SKAP1: variants seen among roughly 807,000 people sequenced by gnomAD.
SKAP1 encodes the protein src kinase-associated phosphoprotein 1.
A neutral mutation model predicts 58.5 loss-of-function variants in SKAP1; 44 were observed. The observed-to-expected ratio is 0.75, with a 90% CI of 0.59 to 0.97. The LOEUF (loss-of-function observed/expected upper bound fraction) is 0.97, where lower values mean the gene tolerates loss of function less well. Among genes scored for constraint, SKAP1 ranks in the 50% least tolerant of loss-of-function variants. The probability of loss-of-function intolerance (pLI) is 0.00; values close to 1 mark genes in which losing one functional copy is unlikely to be tolerated. For synonymous variants in SKAP1, 127 were observed against 149.7 expected, an observed-to-expected ratio of 0.85 and a Z score of 1.11; for missense variants, 390 against 435.2, an observed-to-expected ratio of 0.90 and a Z score of 0.92.
At chr17:48,331,060 G>C (rs898120893) in intron 4 of SKAP1, among the ~76,000 whole-genome samples, 4 of 152,096 alleles carry the variant, frequency 2.6e-5, no homozygotes, top group African/African-American at 9.7e-5. Context: ...TCAGTCTGAG[G>C]GACCCTAGAA....
In SKAP1 at chr17:48,345,014, T is replaced by C. The variant is rs146213043; in HGVS notation, c.280+891A>G. ...CCTAAGCGAATAATGTGTTTCCAAT[T>C]TGATGTTCAATTTAGTAGCACCTCT... On this transcript the variant is annotated intron_variant, in intron 4 of 12. Coordinates refer to ENST00000336915, the MANE Select transcript of SKAP1 (RefSeq NM_003726.4). Among the ~76,000 whole-genome samples, 291 of 152,348 alleles carry C rather than the reference T, an allele frequency of 1.9e-3. 1 individual carries two copies. Among genetic ancestry groups the C allele is most frequent in the Non-Finnish European group, 3.3e-3 (224 of 68,026 alleles).
At chr17:48,438,346 A>G in the SKAP1 span, among the ~76,000 whole-genome samples, 7 of 152,224 alleles carry the variant, frequency 4.6e-5, no homozygotes, top group Admixed American at 4.6e-4. Context: ...TTCCCTGCAA[A>G]AACTAGCACC....
intron 2 of SKAP1, chr17:48,377,505 G>A (rs2067165235): frequency 6.6e-6 from 1 of 151,544 alleles, no homozygotes; most frequent in Non-Finnish European, 1.5e-5. Flanking sequence ...TTTAGCCCAG[G>A]AGGTTGAGGC....
At chr17:48,383,683 C>T (rs2067244258) in intron 2 of SKAP1, among the ~76,000 whole-genome samples, 1 of 150,208 alleles carries the variant, frequency 6.7e-6, no homozygotes, top group African/African-American at 2.5e-5. Flanking sequence ...CACCTGGAAA[C>T]TGAATATCCT....
chr17:48,297,219 G>A (rs920559200), intron 4 of SKAP1, among the ~76,000 whole-genome samples: 6 of 151,872 alleles, frequency 4.0e-5, no homozygotes, highest in Admixed American at 3.9e-4. Flanking sequence ...TCTAATCCCT[G>A]GTTAACATGG....
chr17:48,217,272 A>T (rs1307275013), intron 4 of SKAP1, among the ~76,000 whole-genome samples: 1 of 152,190 alleles, frequency 6.6e-6, no homozygotes. Flanking sequence ...CTGCCCTCTC[A>T]GTGGTCTCCT....
chr17:48,198,265 C>T (rs866886733), intron 4 of SKAP1, among the ~76,000 whole-genome samples: 10 of 151,870 alleles, frequency 6.6e-5, no homozygotes, highest in Non-Finnish European at 1.5e-4. Flanking sequence ...ACCATCTTGG[C>T]TAACACGGTG....
intron 2 of SKAP1, among the ~76,000 whole-genome samples, chr17:48,395,337 C>G (rs1216285417): frequency 6.6e-6 from 1 of 152,140 alleles, no homozygotes; most frequent in Non-Finnish European, 1.5e-5. Context: ...GTACCCACAG[C>G]TGCAGTAAAA....
the SKAP1 span, among the ~76,000 whole-genome samples, chr17:48,435,953 G>A: frequency 6.6e-6 from 1 of 152,220 alleles, no homozygotes; most frequent in Non-Finnish European, 1.5e-5. Context: ...TTATTTCGAT[G>A]TAAGAAAGTG....
intron 4 of SKAP1, among the ~76,000 whole-genome samples, chr17:48,217,426 T>C (rs886763415): frequency 1.3e-5 from 2 of 151,944 alleles, no homozygotes; most frequent in Non-Finnish European, 2.9e-5. Flanking sequence ...ATGGGTGGAT[T>C]GCTTGAGCTC....
chr17:48,194,728 T>C (rs554913760), intron 4 of SKAP1, among the ~76,000 whole-genome samples: 2 of 152,380 alleles, frequency 1.3e-5, no homozygotes, highest in African/African-American at 4.8e-5. Flanking sequence ...ATCGTCCCCC[T>C]GTTAAGTTAT....
chr17:48,150,598 A>G (rs1246046037), intron 11 of SKAP1, among the ~76,000 whole-genome samples: 2 of 152,276 alleles, frequency 1.3e-5, no homozygotes, highest in African/African-American at 4.8e-5. Flanking sequence ...TTTATTTCCT[A>G]TAAATCGGGA....
intron 1 of SKAP1, among the ~76,000 whole-genome samples, chr17:48,415,695 G>A (rs756975768): frequency 7.3e-4 from 111 of 152,036 alleles, no homozygotes; most frequent in Non-Finnish European, 1.3e-3. Flanking sequence ...TCCTCCCTAC[G>A]TGGGGCCCCA....
intron 4 of SKAP1, among the ~76,000 whole-genome samples, chr17:48,302,263 C>T (rs941833880): frequency 7.9e-5 from 12 of 152,074 alleles, no homozygotes; most frequent in African/African-American, 2.9e-4. Context: ...AGGAATTGAG[C>T]CAATCACTAC....
At chr17:48,429,982 A>G in intron 1 of SKAP1, 93 bp downstream of exon 1, 1 of 1,079,362 alleles carries the variant, frequency 9.3e-7, no homozygotes, top group Non-Finnish European at 1.2e-6. Flanking sequence ...GAGGTGAGTG[A>G]CGAAGCCGTA....
At chr17:48,395,937 C>A (rs1598652578) in intron 2 of SKAP1, among the ~76,000 whole-genome samples, 1 of 152,202 alleles carries the variant, frequency 6.6e-6, no homozygotes, top group African/African-American at 2.4e-5. Context: ...CATAACCCTG[C>A]AGATGCTCTT....
At chr17:48,203,365 C>T (rs1407365412) in intron 4 of SKAP1, among the ~76,000 whole-genome samples, 1 of 152,180 alleles carries the variant, frequency 6.6e-6, no homozygotes, top group Non-Finnish European at 1.5e-5. Flanking sequence ...CTTCACGGCA[C>T]TTGGTATAGA....
intron 4 of SKAP1, among the ~76,000 whole-genome samples, chr17:48,321,057 A>C (rs1207809204): frequency 6.6e-6 from 1 of 152,154 alleles, no homozygotes; most frequent in African/African-American, 2.4e-5. Flanking sequence ...ATGTGATACT[A>C]ATCAGTAACA....
chr17:48,408,838 A>C (rs1420374072), intron 1 of SKAP1, among the ~76,000 whole-genome samples: 1 of 152,200 alleles, frequency 6.6e-6, no homozygotes, highest in Non-Finnish European at 1.5e-5. Context: ...TCAATTTAGA[A>C]AATGGTGCTA....
Sources: allele counts gnomAD v4.1 joint callset (sites outside exome capture counted in the v4.1 genomes callset), GRCh38; gene constraint gnomAD v4.1.1; transcripts MANE v1.5; gene names NCBI Gene and HGNC (gene_info 2026-07-23, HGNC 2026-07-21).